The following FAM114A2 variants were observed in gnomAD, a reference collection of about 807,000 sequenced individuals.
FAM114A2 encodes protein FAM114A2.
FAM114A2 carries 53 observed loss-of-function variants against 58.4 expected under a neutral mutation model. The observed-to-expected ratio is 0.91, with a 90% confidence interval of 0.73 to 1.14. The LOEUF is 1.14. Ranked by LOEUF, FAM114A2 falls within the 50% of genes most tolerant of loss-of-function variation. FAM114A2 has a pLI of 0.00. For missense variants in FAM114A2, 601 were observed against 581.1 expected, an observed-to-expected ratio of 1.03 and a Z score of -0.35; for synonymous variants, 228 against 211.4, an observed-to-expected ratio of 1.08 and a Z score of -0.68.
chr5:154,035,282 TACAGA>T (rs1416741414), intron 1 of FAM114A2, among the ~76,000 whole-genome samples: 1 of 152,162 alleles, frequency 6.6e-6, no homozygotes, highest in East Asian at 1.9e-4. Flanking sequence ...ACAATCAAGA[TACAGA>T]ACAGTTCAAT....
chr5:154,034,464 T>C (rs1772411946), intron 2 of FAM114A2, 87 bp from the exon 3 acceptor site: 2 of 795,508 alleles, frequency 2.5e-6, no homozygotes, highest in Admixed American at 2.6e-5. Flanking sequence ...AGGTATCTAA[T>C]TATTAGCCAA....
intron 9 of FAM114A2, 117 bp downstream of exon 9, chr5:154,011,124 C>A (rs746485719): frequency 1.3e-6 from 1 of 747,960 alleles, no homozygotes; most frequent in Non-Finnish European, 2.2e-6. Flanking sequence ...CTGGGTATAA[C>A]GAGAATATAC....
chr5:154,029,415 AAAAG>A, intron 5 of FAM114A2, 70 bp downstream of exon 5: 1 of 886,210 alleles, frequency 1.1e-6, no homozygotes, highest in Non-Finnish European at 1.9e-6. Context: ...CTGTTCAAAG[AAAAG>A]AGAGAGAAAG....
intron 12 of FAM114A2, 171 bp from the exon 13 acceptor site, chr5:153,995,143 T>A (rs1429629441): frequency 5.3e-6 from 3 of 564,410 alleles, no homozygotes; most frequent in Non-Finnish European, 9.6e-6. Context: ...TCTAAGTGTT[T>A]TAAACTTCTT....
intron 8 of FAM114A2, among the ~76,000 whole-genome samples, chr5:154,023,680 T>C (rs1006574146): frequency 7.2e-5 from 11 of 152,160 alleles, no homozygotes; most frequent in African/African-American, 2.2e-4. Flanking sequence ...TTGGGTGCAG[T>C]GTATACTGCT....
chr5:153,999,468 T>C (rs1293917969), intron 11 of FAM114A2, among the ~76,000 whole-genome samples: 1 of 152,080 alleles, frequency 6.6e-6, no homozygotes, highest in African/African-American at 2.4e-5. Flanking sequence ...AAACCCTGTC[T>C]CTACTAAAAT....
At chr5:154,037,765 T>C (rs1043806968) in intron 1 of FAM114A2, among the ~76,000 whole-genome samples, 15 of 152,172 alleles carry the variant, frequency 9.9e-5, no homozygotes, top group African/African-American at 3.4e-4. Flanking sequence ...AGGTTGGTCT[T>C]GAACCCTAGG....
At chr5:153,994,014 G>A (rs571424724) in intron 13 of FAM114A2, among the ~76,000 whole-genome samples, 36 of 152,230 alleles carry the variant, frequency 2.4e-4, no homozygotes, top group Non-Finnish European at 4.7e-4. Flanking sequence ...AGGGCAACAC[G>A]GGGCTCCTGG....
intron 12 of FAM114A2, chr5:153,995,202 C>T: frequency 2.4e-6 from 1 of 411,384 alleles, no homozygotes; most frequent in Non-Finnish European, 4.4e-6. Context: ...TTGTTTTATA[C>T]CTTTTTATTG....
At position 153,991,982 on chromosome 5, in the gene FAM114A2, A is replaced by G. The variant is rs1039213874; in HGVS notation, c.*994T>C. On this transcript the variant is annotated 3_prime_UTR_variant, in exon 14 of 14. Coordinates refer to ENST00000351797, the MANE Select transcript of FAM114A2 (RefSeq NM_018691.4). ...CTGGAGGATAAAAGTTATATCAAAA[A>G]CATGCTAAAGAATACATTAAAACAA... The G allele has an allele frequency of 2.0e-5, 3 of 152,164 alleles. No homozygotes were observed. The highest frequency in any genetic ancestry group is 7.2e-5 in the African/African-American group (3 of 41,438). The allele number at this position is 152,164 out of a possible 1,614,324, so 9.4% of individuals were successfully genotyped here. A position where few individuals can be genotyped will look rare whatever the true frequency, so the allele number is the denominator to read the frequency against.
rs367615395 is a variant in FAM114A2 at position 154,011,276 on chromosome 5, G to A, written c.958C>T (p.Leu320=). The A allele has an allele frequency of 1.2e-6, 2 of 1,612,468 alleles. No individual in the cohort carries two copies. The highest frequency in any genetic ancestry group is 1.7e-5 in the Admixed American group (1 of 59,830). Residue 320 remains leucine, a synonymous_variant, in exon 9 of 14, where the codon CTG becomes TTG. Coordinates refer to ENST00000351797, the MANE Select transcript of FAM114A2 (RefSeq NM_018691.4). The stretch of plus-strand genomic sequence containing the variant: ...TTCTCTGGTTTGGAGGAAACGTGCA[G>A]CTGGGAAAACAGCTCTGTTATGTCC... The part of the protein sequence containing the change: ...TKDITELFSQ[L]HVSSKPEKLA...
intron 9 of FAM114A2, among the ~76,000 whole-genome samples, chr5:154,005,555 A>C (rs1581778867): frequency 6.6e-6 from 1 of 152,172 alleles, no homozygotes; most frequent in African/African-American, 2.4e-5. Flanking sequence ...ATGAAGCCAA[A>C]ACAAAAAGGA....
At chr5:154,035,337 A>G (rs1359968953) in intron 1 of FAM114A2, among the ~76,000 whole-genome samples, 1 of 152,064 alleles carries the variant, frequency 6.6e-6, no homozygotes, top group Admixed American at 6.5e-5. Context: ...AGCCATAACC[A>G]CTTCCGACAC....
At chr5:154,034,434 A>C (rs1451223658) in intron 2 of FAM114A2, 57 bp from the exon 3 acceptor site, 2 of 1,074,058 alleles carry the variant, frequency 1.9e-6, no homozygotes, top group Non-Finnish European at 2.8e-6. Context: ...AAATTAGAGG[A>C]AAATCAGAAT....
At chr5:154,032,141 C>A (rs998527086) in intron 4 of FAM114A2, among the ~76,000 whole-genome samples, 5 of 152,190 alleles carry the variant, frequency 3.3e-5, no homozygotes, top group Non-Finnish European at 7.3e-5. Context: ...CTCTTATCTA[C>A]CCTCCCCTTT....
In FAM114A2 at chr5:153,991,452, T is replaced by C. The variant is rs1313806781; in HGVS notation, c.*1524A>G. ...CCTTTGTAACCAGAAGGCAACTGTT[T>C]TTCTGAAACTTCAGAAATATTCAAG... On this transcript the variant is annotated 3_prime_UTR_variant, in exon 14 of 14. Coordinates refer to ENST00000351797, the MANE Select transcript of FAM114A2 (RefSeq NM_018691.4). The C allele has an allele frequency of 6.6e-6, 1 of 152,212 alleles. No individual in the cohort carries two copies. Among genetic ancestry groups the C allele is most frequent in the Non-Finnish European group, 1.5e-5 (1 of 68,034 alleles). 9.4% of individuals were successfully genotyped at this position (152,212 alleles called of 1,614,324 possible).
intron 1 of FAM114A2, chr5:154,036,156 T>C (rs1028366960): frequency 6.6e-6 from 1 of 152,214 alleles, no homozygotes. Flanking sequence ...TCAGAGCAAG[T>C]CTTTAATTTT....
chr5:154,037,771 C>T (rs1239833186), intron 1 of FAM114A2, among the ~76,000 whole-genome samples: 6 of 152,080 alleles, frequency 3.9e-5, no homozygotes, highest in Admixed American at 6.5e-5. Flanking sequence ...GTCTTGAACC[C>T]TAGGCCTGGC....
At chr5:154,037,356 A>T (rs1772638522) in intron 1 of FAM114A2, 1 of 152,254 alleles carries the variant, frequency 6.6e-6, no homozygotes, top group Admixed American at 6.5e-5. Flanking sequence ...AAATCCAGAT[A>T]CAACTACTCA....
Sources: gnomAD v4.1 joint callset for allele counts (sites outside exome capture counted in the v4.1 genomes callset) on GRCh38, gnomAD v4.1.1 for gene constraint, MANE v1.5 for transcripts, NCBI Gene and HGNC (gene_info 2026-07-23, HGNC 2026-07-21) for gene names.